The following WWP2 variants were observed in gnomAD, a reference collection of about 807,000 sequenced individuals.
WWP2 encodes NEDD4-like E3 ubiquitin-protein ligase WWP2.
WWP2 carries 57 observed loss-of-function variants against 121.0 expected under a neutral mutation model. The ratio of observed to expected loss-of-function variants is 0.47; its 90% CI spans 0.38 to 0.59. The LOEUF (loss-of-function observed/expected upper bound fraction) is 0.59. Among genes scored for constraint, WWP2 ranks in the 20% least tolerant of loss-of-function variants. The pLI, the probability that WWP2 is intolerant of heterozygous loss-of-function variation, is 0.00. For missense variants in WWP2, 962 were observed against 1,158.9 expected, an observed-to-expected ratio of 0.83 and a Z score of 2.47; for synonymous variants, 449 against 441.3, an observed-to-expected ratio of 1.02 and a Z score of -0.22.
chr16:69,802,695 GGTTCAA>G (rs991873097), intron 4 of WWP2, among the ~76,000 whole-genome samples: 1 of 151,736 alleles, frequency 6.6e-6, no homozygotes, highest in African/African-American at 2.4e-5. Context: ...CTGTCTCCTG[GGTTCAA>G]GTGATTCTCC....
rs919239900 is a variant in WWP2, at chr16:69,881,351, G to C, written c.704-6688G>C. On this transcript the variant is annotated intron_variant, in intron 7 of 23. Transcript: ENST00000359154. ...CCCTCTGTGAGCCTCAGTTTTGTCT[G>C]CAGTGAAATGGGAATAATAATATCT... Among the ~76,000 whole-genome samples, 27 of 152,174 alleles carry C rather than the reference G, an allele frequency of 1.8e-4. 1 individual carries two copies.
chr16:69,804,764 T>G (rs946028088), intron 4 of WWP2, among the ~76,000 whole-genome samples: 1 of 152,178 alleles, frequency 6.6e-6, no homozygotes, highest in Admixed American at 6.5e-5. Flanking sequence ...CTGTCATATG[T>G]AAAGTTAACG....
rs1026907750 is a variant in WWP2, at chr16:69,935,095, G to A, written c.1843-758G>A. Among the ~76,000 whole-genome samples the A allele has an allele frequency of 2.6e-5, 4 of 152,190 alleles. No homozygotes were observed. Among genetic ancestry groups the A allele is most frequent in the East Asian group, 1.9e-4 (1 of 5,192 alleles). On this transcript the variant is annotated intron_variant, in intron 17 of 23. Coordinates refer to ENST00000359154, the MANE Select transcript of WWP2 (RefSeq NM_001270454.2). This position sits in a 1 kb window ranked among gnomAD's most constrained non-coding sequence, Gnocchi z 5.2. Reference sequence around the variant, plus strand: ...AGGGTCCTGGGAGCGTGGAGAACCCGGATTGAGAAGCGGAGCCCGTGGGAG... The same window carrying A: ...AGGGTCCTGGGAGCGTGGAGAACCCAGATTGAGAAGCGGAGCCCGTGGGAG...
chr16:69,784,127 C>G (rs1303767460), intron 1 of WWP2, among the ~76,000 whole-genome samples: 1 of 102,556 alleles, frequency 9.8e-6, no homozygotes, highest in African/African-American at 4.0e-5. Flanking sequence ...GAGACGGAGT[C>G]TTGCTGTCAT....
At chr16:69,831,490 T>C (rs1436332781) in intron 4 of WWP2, among the ~76,000 whole-genome samples, 2 of 152,176 alleles carry the variant, frequency 1.3e-5, no homozygotes, top group East Asian at 3.9e-4. Context: ...GCAATTTCCA[T>C]GCCCTATTTA....
At chr16:69,856,935 GT>G (rs948998090) in intron 6 of WWP2, among the ~76,000 whole-genome samples, 1 of 151,876 alleles carries the variant, frequency 6.6e-6, no homozygotes, top group African/African-American at 2.4e-5. Flanking sequence ...TTTAGGTAGT[GT>G]TTTTTTGTAA....
intron 4 of WWP2, among the ~76,000 whole-genome samples, chr16:69,817,659 CTTTTTTTTTTTTTT>C (rs200998762): frequency 1.7e-5 from 2 of 119,972 alleles, no homozygotes; most frequent in Admixed American, 8.2e-5. Flanking sequence ...TTGTTAAACT[CTTTTTTTTTTTTTT>C]TTTTTTTTTT....
chr16:69,921,081 G>T (rs964715268), intron 10 of WWP2, among the ~76,000 whole-genome samples: 1 of 152,096 alleles, frequency 6.6e-6, no homozygotes, highest in Non-Finnish European at 1.5e-5. Flanking sequence ...TCTCAGGCTC[G>T]CTGGGGATGT....
At chr16:69,849,074 C>T (rs75491847) in intron 6 of WWP2, among the ~76,000 whole-genome samples, 25,026 of 152,216 alleles carry the variant, frequency 0.16, 2,427 homozygotes, top group East Asian at 0.4. Flanking sequence ...TAACCGTCTC[C>T]GGTGAGCTCT....
intron 12 of WWP2, 63 bp from the exon 13 acceptor site, chr16:69,930,067 C>T: frequency 1.2e-6 from 2 of 1,607,598 alleles, no homozygotes; most frequent in Non-Finnish European, 1.7e-6. Context: ...AGGACCCAGC[C>T]TCCAACCACC....
intron 8 of WWP2, among the ~76,000 whole-genome samples, chr16:69,894,726 T>G (rs1165949278): frequency 1.3e-5 from 2 of 152,164 alleles, no homozygotes; most frequent in African/African-American, 4.8e-5. Context: ...TGTATCTGTT[T>G]TTTCTCAGCG....
chr16:69,914,445 A>T (rs2151969320), intron 9 of WWP2, among the ~76,000 whole-genome samples: 1 of 152,276 alleles, frequency 6.6e-6, no homozygotes, highest in South Asian at 2.1e-4. Context: ...GTAGAGCAGG[A>T]CCTTCACAAT....
At chr16:69,777,884 T>C (rs961273698) in intron 1 of WWP2, among the ~76,000 whole-genome samples, 2 of 150,294 alleles carry the variant, frequency 1.3e-5, no homozygotes, top group South Asian at 2.1e-4. Context: ...CTGAACAACA[T>C]AGGGACCCCC....
intron 9 of WWP2, among the ~76,000 whole-genome samples, chr16:69,911,878 C>G (rs984694393): frequency 1.3e-5 from 2 of 152,032 alleles, no homozygotes; most frequent in African/African-American, 4.8e-5. Flanking sequence ...ATGGCAGAGC[C>G]GAGAGAATGA....
chr16:69,819,180 G>C (rs1205371307), intron 4 of WWP2, among the ~76,000 whole-genome samples: 1 of 152,132 alleles, frequency 6.6e-6, no homozygotes, highest in Non-Finnish European at 1.5e-5. Flanking sequence ...GTCACTTCTT[G>C]ACTGTTATTG....
chr16:69,789,662 T>C (rs1034730452), intron 2 of WWP2, among the ~76,000 whole-genome samples: 1 of 152,204 alleles, frequency 6.6e-6, no homozygotes, highest in African/African-American at 2.4e-5. Context: ...CAGATTGCCT[T>C]CCTTGGAAGG....
chr16:69,914,537 C>T (rs911935679), intron 9 of WWP2, among the ~76,000 whole-genome samples: 9 of 152,032 alleles, frequency 5.9e-5, no homozygotes, highest in Admixed American at 2.6e-4. Context: ...GCAGGAGGAT[C>T]GTTTGAGTCC....
chr16:69,904,880 T>C (rs958077851), intron 8 of WWP2, among the ~76,000 whole-genome samples: 1 of 152,210 alleles, frequency 6.6e-6, no homozygotes, highest in Admixed American at 6.5e-5. Flanking sequence ...TCATGTTAAA[T>C]AAGTAAGCAA....
chr16:69,812,477 C>CCTTT (rs1567679792), intron 4 of WWP2, among the ~76,000 whole-genome samples: 1 of 119,904 alleles, frequency 8.3e-6, no homozygotes, highest in African/African-American at 3.3e-5. Context: ...AACCCCCCCC[C>CCTTT]TTTTTTTTTT....
Sources: allele counts gnomAD v4.1 joint callset (sites outside exome capture counted in the v4.1 genomes callset), GRCh38; gene constraint gnomAD v4.1.1; non-coding constraint Gnocchi (gnomAD v3.1); transcripts MANE v1.5; gene names NCBI Gene and HGNC (gene_info 2026-07-23, HGNC 2026-07-21).